Variants in RHBG observed in about 807,000 individuals in gnomAD.
RHBG encodes Rh family B glycoprotein, also known as ammonium transporter Rh type B.
In RHBG, 39 loss-of-function variants were observed where a neutral mutation model predicts 40.1. The ratio of observed to expected loss-of-function variants is 0.97; its 90% confidence interval spans 0.75 to 1.27. The LOEUF (loss-of-function observed/expected upper bound fraction) is 1.27. RHBG is among the 50% of genes most tolerant of loss of function. The pLI is 0.00. For missense variants in RHBG, 549 were observed against 588.1 expected (o/e 0.93, Z 0.69); for synonymous variants, 237 against 252.5 (o/e 0.94, Z 0.58).
chr1:156,376,023 G>T (rs1275775796), intron 1 of RHBG, among the ~76,000 whole-genome samples: 1 of 152,074 alleles, frequency 6.6e-6, no homozygotes, highest in East Asian at 1.9e-4. Flanking sequence ...GGGATTACAG[G>T]TGTGAGCCAC....
chr1:156,372,815 A>C (rs952062714), intron 1 of RHBG, among the ~76,000 whole-genome samples: 1 of 151,844 alleles, frequency 6.6e-6, no homozygotes, highest in African/African-American at 2.4e-5. Context: ...TCATTGAAAC[A>C]GGGTCTCACT....
intron 1 of RHBG, 59 bp downstream of exon 1, chr1:156,369,495 C>T (rs980696244): frequency 6.6e-7 from 1 of 1,506,316 alleles, no homozygotes; most frequent in Non-Finnish European, 8.9e-7. Flanking sequence ...AAAGACCCTC[C>T]GGTGTCTTGG....
chr1:156,383,211 G>C (rs951618135), intron 8 of RHBG, among the ~76,000 whole-genome samples: 1 of 152,240 alleles, frequency 6.6e-6, no homozygotes, highest in Admixed American at 6.5e-5. Context: ...CAGGGACAAG[G>C]AGGGGAGGAG....
At chr1:156,370,421 C>T (rs1199525589) in intron 1 of RHBG, among the ~76,000 whole-genome samples, 3 of 146,136 alleles carry the variant, frequency 2.1e-5, no homozygotes, top group African/African-American at 5.1e-5. Context: ...TGCACTTCAG[C>T]ATGGGTGACA....
chr1:156,378,864 G>C (rs1667417452), intron 4 of RHBG, among the ~76,000 whole-genome samples: 2 of 152,174 alleles, frequency 1.3e-5, no homozygotes, highest in African/African-American at 4.8e-5. Context: ...TTTCCTCCCG[G>C]GAGATTCCTG....
At chr1:156,370,781 C>G (rs1453395209) in intron 1 of RHBG, among the ~76,000 whole-genome samples, 1 of 151,960 alleles carries the variant, frequency 6.6e-6, no homozygotes, top group Non-Finnish European at 1.5e-5. Flanking sequence ...TCACGATCAC[C>G]CATCATGTGA....
At chr1:156,379,384 T>A (rs1294091344) in intron 4 of RHBG, among the ~76,000 whole-genome samples, 2 of 152,178 alleles carry the variant, frequency 1.3e-5, no homozygotes, top group South Asian at 2.1e-4. Context: ...TCTGTATTTT[T>A]AATTTTTTTT....
At chr1:156,382,511 A>T (rs1667728697) in intron 7 of RHBG, 1 of 653,140 alleles carries the variant, frequency 1.5e-6, no homozygotes, top group Admixed American at 2.7e-5. Context: ...CCGCAAATGG[A>T]GTCTTAAAAG....
chr1:156,384,581 A>G lies in RHBG; in HGVS notation c.1289A>G (p.Glu430Gly). Residue 430 changes from glutamate to glycine, a missense_variant, in exon 9 of 10, where the codon GAG (glutamate) becomes GGG (glycine). Transcript: ENST00000537040. ...TCCCCCCCAGACTCCCAGCACTACG[A>G]GGACCAAGTTCACTGGCAGGTGAGA... ...LDSPPDSQHYEDQVHWQVPGE... is the reference protein window; with the variant it reads ...LDSPPDSQHYGDQVHWQVPGE... The G allele has an allele frequency of 6.3e-7, 1 of 1,581,692 alleles. No homozygotes were observed. The highest frequency in any genetic ancestry group is 8.6e-7 in the Non-Finnish European group (1 of 1,161,940).
intron 1 of RHBG, chr1:156,371,284 C>T (rs774307689): frequency 5.5e-5 from 17 of 310,774 alleles, no homozygotes; most frequent in African/African-American, 3.0e-4. Context: ...CTCAGCCTCC[C>T]GAGAAGCTGG....
At position 156,384,928 on chromosome 1, in the gene RHBG, T is replaced by G; in HGVS notation, c.*83T>G. ...CTAGGAAGTTCTTTTTGAGCTCCCATTCCTCCAGCTGCAAGAAGGGAGCCA... is the reference window on the plus strand; with the variant it reads ...CTAGGAAGTTCTTTTTGAGCTCCCAGTCCTCCAGCTGCAAGAAGGGAGCCA... On this transcript the variant is annotated 3_prime_UTR_variant, in exon 10 of 10. Coordinates refer to ENST00000537040, the MANE Select transcript of RHBG (RefSeq NM_020407.5). The G allele has an allele frequency of 4.8e-6, 4 of 840,122 alleles. No homozygotes were observed. The highest frequency in any genetic ancestry group is 5.8e-6 in the Non-Finnish European group (3 of 519,570). The allele number at this position is 840,122 out of a possible 1,614,324, so 52.0% of individuals were successfully genotyped here. A position where few individuals can be genotyped will look rare whatever the true frequency, so the allele number is the denominator to read the frequency against.
At chr1:156,370,435 C>A (rs145536681) in intron 1 of RHBG, among the ~76,000 whole-genome samples, 1 of 134,404 alleles carries the variant, frequency 7.4e-6, no homozygotes, top group Non-Finnish European at 1.6e-5. Context: ...GGTGACAGAG[C>A]GAGACTCCAT....
intron 4 of RHBG, among the ~76,000 whole-genome samples, chr1:156,379,152 A>G (rs1379808878): frequency 4.0e-5 from 6 of 151,442 alleles, no homozygotes; most frequent in Non-Finnish European, 5.9e-5. Flanking sequence ...GTGCCACCAC[A>G]CCCAGCTAAT....
rs1216157673 is a variant in RHBG at position 156,376,366 on chromosome 1, A to T, written c.188-935A>T. On this transcript the variant is annotated intron_variant, in intron 1 of 9. Transcript: ENST00000537040. ...TTAACAGTTTAAAGCTATTTCCTAA[A>T]TTTTTTTTTTTTTTTGAGACAGACT... 7.9e-4 allele frequency among the ~76,000 whole-genome samples: 113 copies of T among 143,496 alleles called. 2 individuals carry two copies. Among genetic ancestry groups the T allele is most frequent in the Admixed American group, 7.0e-5 (1 of 14,194 alleles). The allele number at this position is 143,496 out of a possible 152,430, so 94.1% of individuals were successfully genotyped here.
Position 156,384,509 on chromosome 1 carries a change from CT to C in RHBG, c.1235-17del. 6.2e-7 allele frequency: 1 copy of C among 1,612,430 alleles called. No homozygotes were observed. The highest frequency in any genetic ancestry group is 8.5e-7 in the Non-Finnish European group (1 of 1,178,786). On this transcript the variant is annotated splice_polypyrimidine_tract_variant and intron_variant, in intron 8 of 9. Coordinates refer to ENST00000537040, the MANE Select transcript of RHBG (RefSeq NM_020407.5). Reference sequence around the variant, plus strand: ...GGGGGGCAGAGAAGCCTCACAGATCCTCCCCTACCACCACCAGGGCTCCTGC... The same window carrying C: ...GGGGGGCAGAGAAGCCTCACAGATCCCCCCTACCACCACCAGGGCTCCTGC...
In RHBG at chr1:156,378,705, T is replaced by G. The variant is rs1163518981; in HGVS notation, c.673+306T>G. On this transcript the variant is annotated intron_variant, in intron 4 of 9. Transcript: ENST00000537040. ...GAAAGTGGCCTCCTCAGCTGCCACGTCAGCCCCTCCTCCTCCCTCCTCGCT... is the reference window on the plus strand; with the variant it reads ...GAAAGTGGCCTCCTCAGCTGCCACGGCAGCCCCTCCTCCTCCCTCCTCGCT... 2.0e-5 allele frequency among the ~76,000 whole-genome samples: 3 copies of G among 152,170 alleles called. No homozygotes were observed. In the East Asian group the frequency reaches 5.8e-4, roughly 29 times the overall value.
chr1:156,372,358 C>T (rs1666914193), intron 1 of RHBG, among the ~76,000 whole-genome samples: 1 of 150,948 alleles, frequency 6.6e-6, no homozygotes, highest in Admixed American at 6.7e-5. Flanking sequence ...CACTACAAGC[C>T]TCTTCTTCCA....
intron 4 of RHBG, among the ~76,000 whole-genome samples, chr1:156,378,752 C>G (rs1287398926): frequency 6.6e-6 from 1 of 152,194 alleles, no homozygotes; most frequent in Non-Finnish European, 1.5e-5. Context: ...CAGCCAGACT[C>G]AGCTTTTGCC....
rs377565088 is a variant in RHBG at position 156,384,873 on chromosome 1, C to A, written c.*28C>A. 41 of 1,468,288 alleles carry A rather than the reference C, an allele frequency of 2.8e-5. No homozygotes were observed. Among genetic ancestry groups the A allele is most frequent in the Middle Eastern group, 1.7e-4 (1 of 5,796 alleles). 91.0% of individuals were successfully genotyped at this position (1,468,288 alleles called of 1,614,324 possible). ...CACTGCCAGCCCCTGAGAGGACACGCTCCTTTTCGAAGATGCTGACTGGCT... is the reference window on the plus strand; with the variant it reads ...CACTGCCAGCCCCTGAGAGGACACGATCCTTTTCGAAGATGCTGACTGGCT... On this transcript the variant is annotated 3_prime_UTR_variant, in exon 10 of 10. Coordinates refer to ENST00000537040, the MANE Select transcript of RHBG (RefSeq NM_020407.5).
Sources: allele counts gnomAD v4.1 joint callset (sites outside exome capture counted in the v4.1 genomes callset), GRCh38; gene constraint gnomAD v4.1.1; transcripts MANE v1.5; gene names NCBI Gene and HGNC (gene_info 2026-07-23, HGNC 2026-07-21).